The following LAMA2 variants were observed in gnomAD, a reference collection of about 807,000 sequenced individuals.
The protein encoded by LAMA2 is laminin subunit alpha-2.
In LAMA2, 269 loss-of-function variants were observed where a neutral mutation model predicts 364.8. The ratio of observed to expected loss-of-function variants is 0.74; its 90% CI spans 0.67 to 0.82. The LOEUF (loss-of-function observed/expected upper bound fraction) is 0.82, where lower values mean the gene tolerates loss of function less well. Among genes scored for constraint, LAMA2 ranks in the 40% least tolerant of loss-of-function variants. LAMA2 has a pLI of 0.00. For synonymous variants in LAMA2, 1,379 were observed against 1,370.6 expected, an observed-to-expected ratio of 1.01 and a Z score of -0.14; for missense variants, 3,807 against 3,873.2, an observed-to-expected ratio of 0.98 and a Z score of 0.45.
chr6:129,134,232 G>C (rs1001933464), intron 4 of LAMA2, among the ~76,000 whole-genome samples: 1 of 152,082 alleles, frequency 6.6e-6, no homozygotes, highest in Non-Finnish European at 1.5e-5. Context: ...TCCACATTAA[G>C]GGAGATCATG....
intron 1 of LAMA2, among the ~76,000 whole-genome samples, chr6:129,041,101 C>A (rs1336055943): frequency 6.6e-6 from 1 of 152,194 alleles, no homozygotes. Flanking sequence ...TTGTAAAATT[C>A]AAGTTTGAAC....
At chr6:129,355,399 C>T (rs1777096403) in intron 32 of LAMA2, among the ~76,000 whole-genome samples, 2 of 152,172 alleles carry the variant, frequency 1.3e-5, no homozygotes, top group Admixed American at 6.6e-5. Flanking sequence ...TCGGTTTCTA[C>T]TTCTACTCCT....
At chr6:129,363,964 G>T (rs1384996391) in intron 32 of LAMA2, among the ~76,000 whole-genome samples, 2 of 152,206 alleles carry the variant, frequency 1.3e-5, no homozygotes, top group Admixed American at 1.3e-4. Context: ...TGCAAATTTG[G>T]TTTCATTCTG....
chr6:129,043,554 A>G (rs1370967811), intron 1 of LAMA2, among the ~76,000 whole-genome samples: 2 of 152,178 alleles, frequency 1.3e-5, no homozygotes, highest in African/African-American at 4.8e-5. Context: ...GTCCTTGAGT[A>G]TAGTTTAAAA....
At chr6:129,159,701 A>C (rs1056371863) in intron 8 of LAMA2, among the ~76,000 whole-genome samples, 1 of 152,208 alleles carries the variant, frequency 6.6e-6, no homozygotes, top group African/African-American at 2.4e-5. Flanking sequence ...AGGGAAACCT[A>C]ATATTTCACT....
At chr6:129,474,236 T>G (rs1444058332) in intron 52 of LAMA2, among the ~76,000 whole-genome samples, 1 of 152,100 alleles carries the variant, frequency 6.6e-6, no homozygotes, top group Non-Finnish European at 1.5e-5. Flanking sequence ...AGCTGAAAAG[T>G]GTGATGGTCA....
Position 129,369,905 on chromosome 6 carries a change from C to T in LAMA2, c.4874C>T (p.Pro1625Leu), listed in dbSNP as rs1777976330. The stretch of plus-strand genomic sequence containing the variant: ...AATCTTTTTCAGCACTTGCTGTCAC[C>T]TCAGCGGGCCCCAGAGAGGCTTATT... ...MTQELKHLLS[P>L]QRAPERLIQL... The change falls in exon 34 of 65, where the codon CCT becomes CTT. Residue 1625 changes from proline to leucine, a missense_variant. Transcript: ENST00000421865. 4 of 1,613,900 alleles carry T rather than the reference C, an allele frequency of 2.5e-6. No individual in the cohort carries two copies. In the Admixed American group the frequency reaches 5.0e-5, roughly 20 times the overall value.
At chr6:129,374,448 G>A (rs774721209) in intron 34 of LAMA2, among the ~76,000 whole-genome samples, 62 of 152,200 alleles carry the variant, frequency 4.1e-4, no homozygotes, top group Non-Finnish European at 6.9e-4. Context: ...GTTGGTCTGG[G>A]GTAGAGTCAG....
At chr6:129,318,697 A>T (rs1473348689) in intron 27 of LAMA2, among the ~76,000 whole-genome samples, 1 of 152,176 alleles carries the variant, frequency 6.6e-6, no homozygotes, top group African/African-American at 2.4e-5. Flanking sequence ...GGGAGCAGAG[A>T]GTGAAACCTG....
chr6:129,034,766 C>T (rs754008591), intron 1 of LAMA2, among the ~76,000 whole-genome samples: 13 of 152,100 alleles, frequency 8.5e-5, no homozygotes, highest in Admixed American at 3.9e-4. Flanking sequence ...AGGATAATGG[C>T]CTCCAGCTCC....
At chr6:128,907,652 C>A (rs1267007185) in intron 1 of LAMA2, among the ~76,000 whole-genome samples, 3 of 152,082 alleles carry the variant, frequency 2.0e-5, no homozygotes, top group Admixed American at 2.0e-4. Flanking sequence ...ATTGCCCTGG[C>A]CAGAACTTCC....
chr6:128,906,140 G>GTA (rs1311509603), intron 1 of LAMA2, among the ~76,000 whole-genome samples: 137 of 142,310 alleles, frequency 9.6e-4, no homozygotes, highest in Admixed American at 1.8e-3. Context: ...AGTCCTTTGG[G>GTA]TATATACCCA....
In LAMA2 at chr6:129,353,158, A is replaced by G. The variant is rs1400739987; in HGVS notation, c.4524-6A>G. 5 of 1,610,590 alleles carry G rather than the reference A, an allele frequency of 3.1e-6. No homozygotes were observed. Among genetic ancestry groups the G allele is most frequent in the Non-Finnish European group, 4.2e-6 (5 of 1,177,350 alleles). ...CCTCTTTTGCTTTGTCACTGTTTCA[A>G]TTCAGGTGTGCCCCTGGCTATACTG... On this transcript the variant is annotated splice_region_variant and splice_polypyrimidine_tract_variant and intron_variant, in intron 31 of 64. Coordinates refer to ENST00000421865, the MANE Select transcript of LAMA2 (RefSeq NM_000426.4).
At chr6:128,996,571 A>G (rs1177031757) in intron 1 of LAMA2, among the ~76,000 whole-genome samples, 1 of 152,246 alleles carries the variant, frequency 6.6e-6, no homozygotes, top group African/African-American at 2.4e-5. Context: ...CAAAACGACA[A>G]TGAGATACCA....
At chr6:129,285,332 A>G (rs146120018) in intron 18 of LAMA2, among the ~76,000 whole-genome samples, 5 of 152,302 alleles carry the variant, frequency 3.3e-5, no homozygotes, top group African/African-American at 4.8e-5. Context: ...TGAATTTTCT[A>G]TCACGTATAT....
intron 1 of LAMA2, among the ~76,000 whole-genome samples, chr6:128,949,088 G>A (rs1180343158): frequency 1.3e-5 from 2 of 152,122 alleles, no homozygotes; most frequent in Non-Finnish European, 2.9e-5. Context: ...TAATAATTAA[G>A]CTTATTGAAT....
chr6:128,988,480 CA>C (rs1783410178), intron 1 of LAMA2, among the ~76,000 whole-genome samples: 1 of 152,026 alleles, frequency 6.6e-6, no homozygotes, highest in African/African-American at 2.4e-5. Flanking sequence ...TTCTATTGAA[CA>C]AAACCTGCTA....
At chr6:129,255,860 T>C (rs1786625060) in intron 14 of LAMA2, among the ~76,000 whole-genome samples, 1 of 152,140 alleles carries the variant, frequency 6.6e-6, no homozygotes, top group Non-Finnish European at 1.5e-5. Context: ...CTGATAACAC[T>C]AGGACTTAAA....
intron 18 of LAMA2, among the ~76,000 whole-genome samples, chr6:129,287,054 G>GAGA (rs1292310868): frequency 5.2e-5 from 1 of 19,050 alleles, no homozygotes; most frequent in African/African-American, 2.1e-4. Context: ...AAGGAAGCAA[G>GAGA]GAAGGAAGGA....
Sources: allele counts gnomAD v4.1 joint callset (sites outside exome capture counted in the v4.1 genomes callset), GRCh38; gene constraint gnomAD v4.1.1; transcripts MANE v1.5; gene names NCBI Gene and HGNC (gene_info 2026-07-23, HGNC 2026-07-21).